Variants in GASK1A observed in about 807,000 individuals in gnomAD.
GASK1A encodes golgi associated kinase 1A, also known as Golgi-associated kinase 1A.
GASK1A carries 40 observed loss-of-function variants against 41.2 expected under a neutral mutation model. The observed-to-expected ratio is 0.97, with a 90% confidence interval of 0.75 to 1.27. The LOEUF is 1.27. Ranked by LOEUF, GASK1A falls within the 50% of genes most tolerant of loss-of-function variation. The pLI, the probability that GASK1A is intolerant of heterozygous loss-of-function variation, is 0.00. For missense variants in GASK1A, 678 were observed against 745.1 expected (o/e 0.91, Z 1.05); for synonymous variants, 316 against 307.1 (o/e 1.03, Z -0.30).
chr3:43,053,672 C>A, intron 3 of GASK1A, 29 bp downstream of exon 3: 1 of 1,551,494 alleles, frequency 6.4e-7, no homozygotes, highest in South Asian at 1.2e-5. Context: ...ATCCCCTTGT[C>A]ACCCCAGACC....
intron 1 of GASK1A, among the ~76,000 whole-genome samples, chr3:42,987,211 C>T (rs1364757164): frequency 1.3e-5 from 2 of 152,252 alleles, no homozygotes; most frequent in East Asian, 1.9e-4. Flanking sequence ...GCCCCTGTAC[C>T]CTTTCCTCAT....
chr3:43,006,054 T>C (rs1051973839), intron 1 of GASK1A, among the ~76,000 whole-genome samples: 2 of 146,912 alleles, frequency 1.4e-5, no homozygotes, highest in Non-Finnish European at 3.0e-5. Flanking sequence ...TCTGTTTCTC[T>C]CTAGTTAGTA....
intron 1 of GASK1A, among the ~76,000 whole-genome samples, chr3:43,014,151 C>T (rs1432071807): frequency 7.0e-6 from 1 of 143,530 alleles, no homozygotes; most frequent in Non-Finnish European, 1.5e-5. Flanking sequence ...GAGTGTTAAA[C>T]CACAGGAAGG....
At chr3:43,038,601 T>A (rs368679363) in intron 2 of GASK1A, among the ~76,000 whole-genome samples, 5 of 148,174 alleles carry the variant, frequency 3.4e-5, no homozygotes, top group African/African-American at 4.9e-5. Flanking sequence ...CTTTGATCTT[T>A]AAAAAAAAAA....
In GASK1A at chr3:43,033,349, C is replaced by T. The variant is rs551013640; in HGVS notation, c.1086C>T (p.Asp362=). The change falls in exon 2 of 5, where the codon GAC becomes GAT. Residue 362 remains aspartate, a synonymous_variant. Coordinates refer to ENST00000430121, the MANE Select transcript of GASK1A (RefSeq NM_001129908.3). ...CCCTCCTGCCCTACCGATACACAGACGGTGGAGCAAGGCCTGTCATCTGGT... is the reference window on the plus strand; with the variant it reads ...CCCTCCTGCCCTACCGATACACAGATGGTGGAGCAAGGCCTGTCATCTGGT... The part of the protein sequence containing the change: ...HSPLLPYRYT[D]GGARPVIWWA... The T allele has an allele frequency of 3.1e-5, 48 of 1,551,336 alleles. 1 individual carries two copies. The highest frequency in any genetic ancestry group is 2.2e-4 in the East Asian group (9 of 40,920).
intron 2 of GASK1A, among the ~76,000 whole-genome samples, chr3:43,046,147 C>T (rs1039164800): frequency 1.3e-5 from 2 of 152,170 alleles, no homozygotes; most frequent in Non-Finnish European, 2.9e-5. Context: ...GATGTTGGAA[C>T]AGGCAGAGTT....
At chr3:42,991,483 G>A (rs1168525687) in intron 1 of GASK1A, among the ~76,000 whole-genome samples, 1 of 152,122 alleles carries the variant, frequency 6.6e-6, no homozygotes, top group Non-Finnish European at 1.5e-5. Context: ...CCACACACTG[G>A]TAATCTTGCA....
chr3:43,056,469 A>G lies in GASK1A; in HGVS notation c.*83A>G. 3.9e-6 allele frequency: 5 copies of G among 1,277,304 alleles called. No individual in the cohort carries two copies. The highest frequency in any genetic ancestry group is 3.3e-5 in the South Asian group (2 of 61,296). The allele number at this position is 1,277,304 out of a possible 1,614,324, so 79.1% of individuals were successfully genotyped here. On this transcript the variant is annotated 3_prime_UTR_variant, in exon 5 of 5. Coordinates refer to ENST00000430121, the MANE Select transcript of GASK1A (RefSeq NM_001129908.3). ...TCACTCATCTTGAGGACAAATGGGA[A>G]AAGCCAGAAGCCAGAGGGGCACAAG...
intron 1 of GASK1A, among the ~76,000 whole-genome samples, chr3:43,002,128 C>T (rs1331697222): frequency 6.6e-6 from 1 of 152,342 alleles, no homozygotes; most frequent in East Asian, 1.9e-4. Flanking sequence ...CGCATTCAAA[C>T]ATTCGTCTTC....
At position 43,056,476 on chromosome 3, in the gene GASK1A, G is replaced by T. The variant is rs781691548; in HGVS notation, c.*90G>T. On this transcript the variant is annotated 3_prime_UTR_variant, in exon 5 of 5. Transcript: ENST00000430121. ...TCTTGAGGACAAATGGGAAAAGCCAGAAGCCAGAGGGGCACAAGGATGTCA... is the reference window on the plus strand; with the variant it reads ...TCTTGAGGACAAATGGGAAAAGCCATAAGCCAGAGGGGCACAAGGATGTCA... 4.2e-5 allele frequency: 49 copies of T among 1,159,210 alleles called. No homozygotes were observed. The highest frequency in any genetic ancestry group is 8.4e-5 in the Admixed American group (3 of 35,806). 71.8% of individuals were successfully genotyped at this position (1,159,210 alleles called of 1,614,324 possible).
intron 1 of GASK1A, among the ~76,000 whole-genome samples, chr3:43,024,441 T>C (rs2125684001): frequency 6.6e-6 from 1 of 152,318 alleles, no homozygotes; most frequent in South Asian, 2.1e-4. Context: ...ACTGTGAATA[T>C]ATCAAAAACT....
intron 2 of GASK1A, among the ~76,000 whole-genome samples, chr3:43,038,020 T>C (rs2089613728): frequency 6.6e-6 from 1 of 152,260 alleles, no homozygotes; most frequent in Non-Finnish European, 1.5e-5. Context: ...TAAAAAATTA[T>C]AGAGTAATAT....
chr3:42,982,476 A>C (rs545821692), intron 1 of GASK1A, among the ~76,000 whole-genome samples: 4 of 152,224 alleles, frequency 2.6e-5, no homozygotes, highest in African/African-American at 9.6e-5. Flanking sequence ...GGAATTTTGC[A>C]GTCTGATTTG....
intron 3 of GASK1A, 173 bp downstream of exon 3, chr3:43,053,816 A>C: frequency 2.5e-6 from 2 of 810,364 alleles, no homozygotes; most frequent in Non-Finnish European, 4.1e-6. Context: ...GCAATATATA[A>C]AGCTGACAAA....
chr3:43,055,914 G>A (rs1377243021), intron 4 of GASK1A: 1 of 497,152 alleles, frequency 2.0e-6, no homozygotes, highest in Admixed American at 3.4e-5. Context: ...GTGGAGCCTG[G>A]GATAGCGGAA....
At chr3:43,055,676 G>C (rs1264933207) in intron 4 of GASK1A, 141 bp downstream of exon 4, 1 of 653,408 alleles carries the variant, frequency 1.5e-6, no homozygotes, top group African/African-American at 1.8e-5. Context: ...TTTAGGCGGT[G>C]GTGGGGAGCC....
intron 1 of GASK1A, among the ~76,000 whole-genome samples, chr3:43,016,721 G>A (rs952390613): frequency 6.6e-6 from 1 of 151,954 alleles, no homozygotes; most frequent in African/African-American, 2.4e-5. Flanking sequence ...GTCACAGGAA[G>A]TGGCTATGTG....
rs550018109 is a variant in GASK1A, at chr3:43,043,357, G to A, written c.1290+9804G>A. On this transcript the variant is annotated intron_variant, in intron 2 of 4. Coordinates refer to ENST00000430121, the MANE Select transcript of GASK1A (RefSeq NM_001129908.3). Reference sequence around the variant, plus strand: ...CCGGACCTTCCCACCCCCACAGCTGGACCTGGTATCCCTTCTTGGCAGACT... The same window carrying A: ...CCGGACCTTCCCACCCCCACAGCTGAACCTGGTATCCCTTCTTGGCAGACT... Among the ~76,000 whole-genome samples the A allele has an allele frequency of 1.2e-4, 19 of 152,310 alleles. No individual in the cohort carries two copies. In the South Asian group the frequency reaches 3.9e-3, roughly 32 times the overall value.
chr3:42,994,549 C>T (rs1308861347), intron 1 of GASK1A, among the ~76,000 whole-genome samples: 3 of 151,910 alleles, frequency 2.0e-5, no homozygotes, highest in African/African-American at 4.8e-5. Context: ...TGGAGGCCTC[C>T]GATGCAGTTT....
Sources: gnomAD v4.1 joint callset for allele counts (sites outside exome capture counted in the v4.1 genomes callset) on GRCh38, gnomAD v4.1.1 for gene constraint, MANE v1.5 for transcripts, NCBI Gene and HGNC (gene_info 2026-07-23, HGNC 2026-07-21) for gene names.